Variants in TDRD12 observed in about 807,000 individuals in gnomAD.
TDRD12 encodes putative ATP-dependent RNA helicase TDRD12.
TDRD12 carries 158 observed loss-of-function variants against 133.5 expected under a neutral mutation model. The ratio of observed to expected loss-of-function variants is 1.18; its 90% CI spans 1.04 to 1.35. The LOEUF (loss-of-function observed/expected upper bound fraction) is 1.35. TDRD12 is among the 40% of genes most tolerant of loss of function. The probability of loss-of-function intolerance (pLI) is 0.00; values close to 1 mark genes in which losing one functional copy is unlikely to be tolerated. For missense variants in TDRD12, 1,443 were observed against 1,321.3 expected (o/e 1.09, Z -1.43); for synonymous variants, 460 against 477.9 (o/e 0.96, Z 0.49).
intron 13 of TDRD12, among the ~76,000 whole-genome samples, chr19:32,793,738 C>T (rs1202958959): frequency 6.6e-6 from 1 of 151,680 alleles, no homozygotes; most frequent in African/African-American, 2.4e-5. Flanking sequence ...ACTTTAAGTT[C>T]CTGTCAATGG....
chr19:32,769,920 G>A (rs562394562), intron 8 of TDRD12, among the ~76,000 whole-genome samples: 1 of 151,484 alleles, frequency 6.6e-6, no homozygotes, highest in Admixed American at 6.6e-5. Flanking sequence ...ATAGGCATGA[G>A]CCACTGTGCC....
At chr19:32,818,201 C>G in intron 27 of TDRD12, 44 bp downstream of exon 27, 1 of 685,312 alleles carries the variant, frequency 1.5e-6, no homozygotes, top group East Asian at 2.7e-5. Flanking sequence ...ATGCCAGGGA[C>G]AGGGGGCCAT....
chr19:32,799,839 A>G (rs777761053), intron 16 of TDRD12, among the ~76,000 whole-genome samples: 1 of 148,894 alleles, frequency 6.7e-6, no homozygotes, highest in Non-Finnish European at 1.5e-5. Context: ...GGTTCAGGCA[A>G]TTCTTGTGCC....
chr19:32,776,462 A>C (rs962012528), intron 10 of TDRD12, among the ~76,000 whole-genome samples: 1 of 152,164 alleles, frequency 6.6e-6, no homozygotes, highest in Admixed American at 6.5e-5. Flanking sequence ...GATTCCCCAC[A>C]CTTTCTGGTT....
chr19:32,774,878 G>A (rs1458322685), intron 10 of TDRD12, among the ~76,000 whole-genome samples: 1 of 151,944 alleles, frequency 6.6e-6, no homozygotes. Context: ...TCAGCTACTC[G>A]GGAGGCAGAG....
intron 13 of TDRD12, among the ~76,000 whole-genome samples, chr19:32,793,123 T>C (rs561843313): frequency 6.6e-6 from 1 of 151,920 alleles, no homozygotes; most frequent in Non-Finnish European, 1.5e-5. Context: ...GAGGCGGAGG[T>C]TGCAGTGAGC....
exon 10 of TDRD12, chr19:32,827,372 C>CTTTTCTTTCT (rs61327156): frequency 0.012 from 1,514 of 122,558 alleles, 34 homozygotes; most frequent in Middle Eastern, 0.019. Flanking sequence ...CTTTTCTTTT[C>CTTTTCTTTCT]TTTTTTTTTT....
chr19:32,787,907 C>T (rs1027365037), intron 11 of TDRD12, among the ~76,000 whole-genome samples: 1 of 152,134 alleles, frequency 6.6e-6, no homozygotes. Flanking sequence ...TGGGGCGACA[C>T]TCCACCCTGC....
At chr19:32,816,389 A>C (rs1283379140) in intron 26 of TDRD12, among the ~76,000 whole-genome samples, 12 of 152,084 alleles carry the variant, frequency 7.9e-5, no homozygotes, top group Non-Finnish European at 1.5e-5. Context: ...CCAGTTTTGC[A>C]CTTTGTTTGA....
chr19:32,783,019 T>C (rs1970812607), intron 11 of TDRD12, among the ~76,000 whole-genome samples: 1 of 152,234 alleles, frequency 6.6e-6, no homozygotes, highest in Non-Finnish European at 1.5e-5. Context: ...TTTGGTGTTT[T>C]AGACATGAAG....
intron 2 of TDRD12, among the ~76,000 whole-genome samples, chr19:32,736,445 A>C (rs756726113): frequency 3.3e-5 from 5 of 152,208 alleles, no homozygotes; most frequent in Admixed American, 6.5e-5. Context: ...GTCACTGAAG[A>C]GCTCTCATGG....
chr19:32,777,770 A>C (rs57271624), intron 11 of TDRD12, among the ~76,000 whole-genome samples: 14,158 of 132,134 alleles, frequency 0.11, 1,013 homozygotes, highest in Middle Eastern at 0.18. Context: ...TCAGCCTCCC[A>C]AGTAGCTGGG....
At chr19:32,757,313 A>G (rs1242123864) in intron 8 of TDRD12, among the ~76,000 whole-genome samples, 183 bp downstream of exon 8, 1 of 152,168 alleles carries the variant, frequency 6.6e-6, no homozygotes, top group Non-Finnish European at 1.5e-5. Flanking sequence ...ATACTTAGAA[A>G]TTTTACTGTC....
intron 11 of TDRD12, 35 bp downstream of exon 11, chr19:32,777,264 G>A: frequency 8.3e-7 from 1 of 1,205,138 alleles, no homozygotes; most frequent in Non-Finnish European, 1.2e-6. Context: ...ATTGTGTATT[G>A]AAATAATTAT....
At chr19:32,794,003 A>C (rs948398978) in intron 13 of TDRD12, among the ~76,000 whole-genome samples, 2 of 148,574 alleles carry the variant, frequency 1.3e-5, no homozygotes, top group Non-Finnish European at 3.0e-5. Flanking sequence ...CATCTTGGTC[A>C]GGCTGGTCTT....
At chr19:32,788,427 A>C (rs1291805127) in intron 11 of TDRD12, among the ~76,000 whole-genome samples, 1 of 152,000 alleles carries the variant, frequency 6.6e-6, no homozygotes, top group Non-Finnish European at 1.5e-5. Context: ...TACTTTTTGG[A>C]ATGATTTTAC....
In TDRD12 at chr19:32,746,607, T is replaced by G. The variant is rs1305514888; in HGVS notation, c.441-1869T>G. 2.7e-5 allele frequency among the ~76,000 whole-genome samples: 4 copies of G among 146,388 alleles called. 1 individual carries two copies. The highest frequency in any genetic ancestry group is 1.0e-4 in the African/African-American group (4 of 39,036). On this transcript the variant is annotated intron_variant, in intron 4 of 27. Coordinates refer to ENST00000444215, the Ensembl canonical transcript of TDRD12. ...GAGAGAGTCTGGCTGATGTGGTTAT[T>G]CTGTGTGTGTGAGAGAGAGAGTCTG...
chr19:32,796,475 C>T (rs1971230718), intron 14 of TDRD12, among the ~76,000 whole-genome samples: 1 of 151,968 alleles, frequency 6.6e-6, no homozygotes, highest in South Asian at 2.1e-4. Flanking sequence ...GTTCCAGCTA[C>T]TCGAGAGGCT....
At chr19:32,789,698 C>G (rs1380588842) in intron 11 of TDRD12, among the ~76,000 whole-genome samples, 2 of 152,142 alleles carry the variant, frequency 1.3e-5, no homozygotes, top group Non-Finnish European at 2.9e-5. Context: ...GTGGCTTTTG[C>G]ATTTGAAAAT....
Sources: gnomAD v4.1 joint callset for allele counts (sites outside exome capture counted in the v4.1 genomes callset) on GRCh38, gnomAD v4.1.1 for gene constraint, MANE v1.5 for transcripts, NCBI Gene and HGNC (gene_info 2026-07-23, HGNC 2026-07-21) for gene names.